LRP1B: variants seen among roughly 807,000 people sequenced by gnomAD.
The protein encoded by LRP1B is low-density lipoprotein receptor-related protein 1B.
A neutral mutation model predicts 556.6 loss-of-function variants in LRP1B; 217 were observed. The observed-to-expected ratio is 0.39, with a 90% confidence interval of 0.35 to 0.44. LRP1B has a LOEUF of 0.44. LRP1B is among the 20% of genes least tolerant of loss of function. The pLI is 1.00. For synonymous variants in LRP1B, 2,047 were observed against 1,865.8 expected, an observed-to-expected ratio of 1.10 and a Z score of -2.50; for missense variants, 5,053 against 5,620.8, an observed-to-expected ratio of 0.90 and a Z score of 3.23.
At chr2:141,816,332 A>G (rs1042861772) in intron 1 of LRP1B, among the ~76,000 whole-genome samples, 1 of 152,142 alleles carries the variant, frequency 6.6e-6, no homozygotes, top group East Asian at 1.9e-4. Flanking sequence ...GCACCATCTA[A>G]TCTGCTGTCA....
At chr2:140,453,470 G>A (rs897073499) in intron 62 of LRP1B, among the ~76,000 whole-genome samples, 1 of 151,748 alleles carries the variant, frequency 6.6e-6, no homozygotes, top group African/African-American at 2.4e-5. Flanking sequence ...TGTTCTCTAA[G>A]ACTAATATCA....
At chr2:141,200,196 T>C (rs936978833) in intron 6 of LRP1B, among the ~76,000 whole-genome samples, 1 of 152,100 alleles carries the variant, frequency 6.6e-6, no homozygotes, top group Non-Finnish European at 1.5e-5. Context: ...ACTGGTAGAC[T>C]AGATAAAGGA....
chr2:140,433,774 C>T (rs1686053306), intron 66 of LRP1B, among the ~76,000 whole-genome samples: 1 of 151,512 alleles, frequency 6.6e-6, no homozygotes, highest in African/African-American at 2.4e-5. Flanking sequence ...GTTTTGAAAA[C>T]ATTAGAACTA....
intron 11 of LRP1B, 101 bp from the exon 12 acceptor site, chr2:141,020,203 G>T: frequency 1.5e-6 from 1 of 654,258 alleles, no homozygotes; most frequent in East Asian, 3.0e-5. Flanking sequence ...AGTTCAAAAA[G>T]GAAAGAACTC....
intron 7 of LRP1B, among the ~76,000 whole-genome samples, chr2:141,107,375 C>T (rs6429866): frequency 0.36 from 54,857 of 152,032 alleles, 10,379 homozygotes; most frequent in East Asian, 0.66. Flanking sequence ...AGGCTGGGCA[C>T]GGTAGCTCAT....
At chr2:140,519,386 G>T (rs943006847) in intron 49 of LRP1B, among the ~76,000 whole-genome samples, 21 of 152,188 alleles carry the variant, frequency 1.4e-4, no homozygotes, top group Non-Finnish European at 2.9e-4. Context: ...AATAAATGGT[G>T]CTGGGAAAAT....
chr2:141,713,331 C>T lies in LRP1B; in HGVS notation c.205+96948G>A, dbSNP rs548382483. ...AGGCCATTTTGCAAAATAGCCACAT[C>T]GTCCTTAAGTTTATATGTATTTTAA... On this transcript the variant is annotated intron_variant, in intron 2 of 90. Transcript: ENST00000389484. Among the ~76,000 whole-genome samples, 273 of 152,216 alleles carry T rather than the reference C, an allele frequency of 1.8e-3. 2 individuals carry two copies. Among genetic ancestry groups the T allele is most frequent in the Non-Finnish European group, 3.4e-3 (234 of 68,030 alleles).
chr2:140,542,122 TATG>T (rs1680158947), intron 43 of LRP1B, 151 bp from the exon 44 acceptor site: 3 of 521,774 alleles, frequency 5.7e-6, no homozygotes, highest in African/African-American at 3.8e-5. Context: ...CTAAATGAAT[TATG>T]ATAATATGCT....
intron 7 of LRP1B, among the ~76,000 whole-genome samples, chr2:141,091,774 C>A (rs549106173): frequency 6.6e-6 from 1 of 152,272 alleles, no homozygotes; most frequent in Non-Finnish European, 1.5e-5. Flanking sequence ...GATAATCATA[C>A]AAATGTCAGA....
In LRP1B at chr2:141,460,359, C is replaced by T. The variant is rs114147361; in HGVS notation, c.343+20037G>A. Reference sequence around the variant, plus strand: ...CCAAAAATGTAAGGTAGAAGTATCCCTGATATAATTAAAAAATAACAAGGC... The same window carrying T: ...CCAAAAATGTAAGGTAGAAGTATCCTTGATATAATTAAAAAATAACAAGGC... On this transcript the variant is annotated intron_variant, in intron 3 of 90. Coordinates refer to ENST00000389484, the MANE Select transcript of LRP1B (RefSeq NM_018557.3). Among the ~76,000 whole-genome samples the T allele has an allele frequency of 8.1e-3, 1,225 of 152,066 alleles. 14 individuals are homozygous for T. The highest frequency in any genetic ancestry group is 0.028 in the African/African-American group (1,156 of 41,478).
chr2:141,353,848 C>G (rs1688530005), intron 3 of LRP1B, among the ~76,000 whole-genome samples: 1 of 151,896 alleles, frequency 6.6e-6, no homozygotes, highest in Non-Finnish European at 1.5e-5. Context: ...GATTCACTAT[C>G]CTAAACATTG....
rs16846226 is a variant in LRP1B, at chr2:141,489,304, G to A, written c.206-8771C>T. Among the ~76,000 whole-genome samples the A allele has an allele frequency of 5.9e-3, 891 of 151,778 alleles. 8 individuals carry two copies. The highest frequency in any genetic ancestry group is 0.02 in the African/African-American group (838 of 41,384). On this transcript the variant is annotated intron_variant, in intron 2 of 90. Coordinates refer to ENST00000389484, the MANE Select transcript of LRP1B (RefSeq NM_018557.3). ...CACCTTGGCCTCTTTTATTAAGAAT[G>A]CTTTTCACACACAGTTAGATCCATT...
At chr2:141,351,824 C>A (rs1031785431) in intron 3 of LRP1B, among the ~76,000 whole-genome samples, 2 of 151,798 alleles carry the variant, frequency 1.3e-5, no homozygotes, top group African/African-American at 4.8e-5. Context: ...TGTGGAAACT[C>A]AGGCCAAATG....
At chr2:140,241,901 C>G (rs1389577796) in intron 87 of LRP1B, among the ~76,000 whole-genome samples, 1 of 150,758 alleles carries the variant, frequency 6.6e-6, no homozygotes, top group Non-Finnish European at 1.5e-5. Flanking sequence ...GTATTAGAAA[C>G]TGAAAAACAT....
At chr2:141,969,822 T>C (rs189776926) in intron 1 of LRP1B, among the ~76,000 whole-genome samples, 26 of 151,754 alleles carry the variant, frequency 1.7e-4, no homozygotes, top group Non-Finnish European at 1.8e-4. Flanking sequence ...CATATAATTC[T>C]ATTTTTGGTA....
intron 2 of LRP1B, among the ~76,000 whole-genome samples, chr2:141,797,135 T>G (rs539765481): frequency 8.7e-6 from 1 of 114,554 alleles, no homozygotes; most frequent in African/African-American, 3.4e-5. Context: ...AAGTTTAACT[T>G]TGAAAATAAT....
At chr2:141,367,657 T>C (rs1022514888) in intron 3 of LRP1B, among the ~76,000 whole-genome samples, 2 of 151,586 alleles carry the variant, frequency 1.3e-5, no homozygotes, top group African/African-American at 2.4e-5. Flanking sequence ...TAATTTTTTA[T>C]ACTTTTAGTA....
At chr2:141,574,177 A>G (rs1559149877) in intron 2 of LRP1B, among the ~76,000 whole-genome samples, 1 of 152,314 alleles carries the variant, frequency 6.6e-6, no homozygotes, top group African/African-American at 2.4e-5. Flanking sequence ...TCTGAAGAAC[A>G]TCAATGCGAA....
chr2:140,259,489 C>T (rs1316500718), intron 86 of LRP1B, among the ~76,000 whole-genome samples: 1 of 151,858 alleles, frequency 6.6e-6, no homozygotes, highest in African/African-American at 2.4e-5. Context: ...TAAAATAAAT[C>T]ATTTTTCTAT....
Sources: gnomAD v4.1 joint callset for allele counts (sites outside exome capture counted in the v4.1 genomes callset) on GRCh38, gnomAD v4.1.1 for gene constraint, MANE v1.5 for transcripts, NCBI Gene and HGNC (gene_info 2026-07-23, HGNC 2026-07-21) for gene names.